KIF14: variants seen among roughly 807,000 people sequenced by gnomAD.
KIF14 encodes kinesin-like protein KIF14.
Under a neutral mutation model 176.2 loss-of-function variants are expected in KIF14, and 98 were observed. That is an observed-to-expected ratio of 0.56 (90% CI 0.47 to 0.66). The LOEUF is 0.66. Among genes scored for constraint, KIF14 ranks in the 30% least tolerant of loss-of-function variants. KIF14 has a pLI of 0.00. For synonymous variants in KIF14, 566 were observed against 632.2 expected, an observed-to-expected ratio of 0.90 and a Z score of 1.57; for missense variants, 1,751 against 1,920.4, an observed-to-expected ratio of 0.91 and a Z score of 1.65.
Position 200,618,044 on chromosome 1 carries a change from G to T in KIF14, c.680C>A (p.Thr227Asn). The change falls in exon 2 of 30, where the codon ACT (threonine) becomes AAT (asparagine). Residue 227 changes from threonine to asparagine, a missense_variant. Coordinates refer to ENST00000367350, the MANE Select transcript of KIF14 (RefSeq NM_014875.3). Reference protein sequence around the residue: ...NRPPIASLSQTEVVRSGHLTT... With the variant: ...NRPPIASLSQNEVVRSGHLTT... ...CAAGTGTCCTGATCTAACAACTTCAGTCTGACTCAGGGAAGCAATGGGTGG... is the reference window on the plus strand; with the variant it reads ...CAAGTGTCCTGATCTAACAACTTCATTCTGACTCAGGGAAGCAATGGGTGG... The T allele has an allele frequency of 6.2e-7, 1 of 1,614,108 alleles. No individual in the cohort carries two copies. Among genetic ancestry groups the T allele is most frequent in the Non-Finnish European group, 8.5e-7 (1 of 1,180,006 alleles).
At position 200,603,352 on chromosome 1, in the gene KIF14, G is replaced by GA. The variant is rs200046579; in HGVS notation, c.1864-12dup. On this transcript the variant is annotated splice_polypyrimidine_tract_variant and intron_variant, in intron 9 of 29. Coordinates refer to ENST00000367350, the MANE Select transcript of KIF14 (RefSeq NM_014875.3). ...AATACTCACACCTTCCTGCATGCAA[G>GA]AAAAAAAAAATTTTTAACTTAAAAT... 1.4e-3 allele frequency: 1,890 copies of GA among 1,358,242 alleles called. No homozygotes were observed. Among genetic ancestry groups the GA allele is most frequent in the South Asian group, 1.8e-3 (137 of 74,346 alleles). 84.1% of individuals were successfully genotyped at this position (1,358,242 alleles called of 1,614,324 possible). A position where few individuals can be genotyped will look rare whatever the true frequency, so the allele number is the denominator to read the frequency against.
At chr1:200,570,648 G>T (rs1657731393) in intron 22 of KIF14, among the ~76,000 whole-genome samples, 1 of 152,166 alleles carries the variant, frequency 6.6e-6, no homozygotes, top group African/African-American at 2.4e-5. Context: ...GCTTGAGGTG[G>T]TCTTTGCATG....
intron 14 of KIF14, among the ~76,000 whole-genome samples, chr1:200,597,340 G>A (rs6662547): frequency 0.53 from 81,006 of 151,508 alleles, 22,284 homozygotes; most frequent in East Asian, 0.69. Flanking sequence ...AAAAGCTCAC[G>A]AAAGATTGGC....
chr1:200,616,635 T>C (rs919517433), intron 2 of KIF14, among the ~76,000 whole-genome samples: 3 of 152,232 alleles, frequency 2.0e-5, no homozygotes, highest in Non-Finnish European at 2.9e-5. Context: ...CTCTTCTAAC[T>C]TGCTTAGATA....
intron 4 of KIF14, among the ~76,000 whole-genome samples, chr1:200,609,903 G>A (rs189161996): frequency 9.8e-5 from 15 of 152,314 alleles, no homozygotes; most frequent in Middle Eastern, 3.4e-3. Context: ...CAATGTAGAT[G>A]AACCTCAACA....
chr1:200,586,034 T>C, intron 19 of KIF14, 67 bp downstream of exon 19: 1 of 1,126,472 alleles, frequency 8.9e-7, no homozygotes, highest in Non-Finnish European at 1.2e-6. Context: ...GCTAATATTT[T>C]AGTAATTATA....
chr1:200,560,968 C>T (rs1384819022), intron 25 of KIF14, 88 bp from the exon 26 acceptor site: 13 of 1,242,398 alleles, frequency 1.0e-5, no homozygotes, highest in South Asian at 1.0e-4. Context: ...CAGCGGCTCA[C>T]GCCTGTAATT....
chr1:200,586,790 C>CATATATATATATATATAT (rs10610890), intron 18 of KIF14, among the ~76,000 whole-genome samples: 283 of 128,222 alleles, frequency 2.2e-3, no homozygotes, highest in Non-Finnish European at 3.0e-3. Context: ...TATATACATA[C>CATATATATATATATATAT]ATATATATAT....
In KIF14 at chr1:200,598,417, G is replaced by T; in HGVS notation, c.2369C>A (p.Ala790Glu). The change falls in exon 14 of 30, where the codon GCA (alanine) becomes GAA (glutamate). Residue 790 changes from alanine to glutamate, a missense_variant. Physicochemically the swap from Ala to Glu is moderately radical, Grantham distance 107. Coordinates refer to ENST00000367350, the MANE Select transcript of KIF14 (RefSeq NM_014875.3). ...KLQETKELQKAGIMFQMDNHL... is the reference protein window; with the variant it reads ...KLQETKELQKEGIMFQMDNHL... The stretch of plus-strand genomic sequence containing the variant: ...ATTGTCCATTTGAAACATAATTCCT[G>T]CTTTCTGGTAGAAGTCAGAAAAAGA... 6.2e-7 allele frequency: 1 copy of T among 1,601,442 alleles called. No homozygotes were observed. The highest frequency in any genetic ancestry group is 1.8e-5 in the Admixed American group (1 of 56,652).
intron 4 of KIF14, among the ~76,000 whole-genome samples, chr1:200,610,940 GAATAGGAAAGACACCCTGTAGGTTGA>G (rs1660127966): frequency 6.6e-6 from 1 of 152,170 alleles, no homozygotes; most frequent in Non-Finnish European, 1.5e-5. Flanking sequence ...CATGTGCTCA[GAATAGGAAAGACACCCTGTAGGTTGA>G]CATTTGATCT....
intron 2 of KIF14, among the ~76,000 whole-genome samples, chr1:200,616,145 C>G (rs540886469): frequency 3.9e-5 from 6 of 152,222 alleles, no homozygotes; most frequent in Non-Finnish European, 5.9e-5. Flanking sequence ...CCCTTTGAGA[C>G]TTAGGTGGAA....
intron 15 of KIF14, 51 bp downstream of exon 15, chr1:200,593,616 G>T: frequency 1.8e-6 from 2 of 1,142,142 alleles, no homozygotes; most frequent in South Asian, 2.5e-5. Flanking sequence ...GAAATTAAAT[G>T]ACTTATCCAA....
chr1:200,567,172 C>CAAAA (rs374186998), intron 23 of KIF14, among the ~76,000 whole-genome samples: 1 of 142,150 alleles, frequency 7.0e-6, no homozygotes. Context: ...ACTCTGTCCT[C>CAAAA]AAAAAAAAAA....
intron 22 of KIF14, among the ~76,000 whole-genome samples, chr1:200,570,456 CTT>C (rs35471555): frequency 3.1e-4 from 47 of 152,290 alleles, no homozygotes; most frequent in Non-Finnish European, 5.9e-4. Context: ...ATAAGTAAAA[CTT>C]AGCCAAACAG....
At chr1:200,605,017 T>A (rs536962821) in intron 8 of KIF14, among the ~76,000 whole-genome samples, 2 of 152,286 alleles carry the variant, frequency 1.3e-5, no homozygotes, top group African/African-American at 4.8e-5. Flanking sequence ...CCAAAAGTCA[T>A]TGAAACTAAG....
At chr1:200,589,437 C>T in intron 17 of KIF14, 68 bp from the exon 18 acceptor site, 2 of 1,328,524 alleles carry the variant, frequency 1.5e-6, no homozygotes, top group Non-Finnish European at 2.1e-6. Context: ...AAGTCCCTTT[C>T]TTTAACCAAT....
chr1:200,601,919 T>A lies in KIF14; in HGVS notation c.2129A>T (p.Asp710Val), dbSNP rs1659645386. The A allele has an allele frequency of 6.2e-7, 1 of 1,609,248 alleles. No individual in the cohort carries two copies. The highest frequency in any genetic ancestry group is 8.5e-7 in the Non-Finnish European group (1 of 1,178,476). The change falls in exon 11 of 30, where the codon GAT (aspartate) becomes GTT (valine). Residue 710 changes from aspartate to valine, a missense_variant. Transcript: ENST00000367350. Reference sequence around the variant, plus strand: ...ACCTCTAATTAACTTAGCGTTCATATCTTCATTTACTTTAGCAATGTTGAC... The same window carrying A: ...ACCTCTAATTAACTTAGCGTTCATAACTTCATTTACTTTAGCAATGTTGAC... ...LIVNIAKVNE[D>V]MNAKLIRELK...
chr1:200,553,693 C>T lies in KIF14; in HGVS notation c.4642G>A (p.Asp1548Asn). The T allele has an allele frequency of 6.2e-7, 1 of 1,613,544 alleles. No individual in the cohort carries two copies. The highest frequency in any genetic ancestry group is 8.5e-7 in the Non-Finnish European group (1 of 1,179,648). The change falls in exon 30 of 30, where the codon GAC becomes AAC. Residue 1548 changes from aspartate (D) to asparagine (N), a missense_variant. Physicochemically the swap from Asp to Asn is conservative, Grantham distance 23. Coordinates refer to ENST00000367350, the MANE Select transcript of KIF14 (RefSeq NM_014875.3). ...IRNLASDFYS[D>N]FSVPSTSVGS... is the part of the protein sequence containing the mutation. The stretch of plus-strand genomic sequence containing the variant: ...ACAGAAGTAGAAGGCACACTGAAGT[C>T]ACTGTAAAAATCACTGGCCAAGTTG...
At chr1:200,585,442 A>G (rs796322931) in intron 19 of KIF14, among the ~76,000 whole-genome samples, 1 of 152,342 alleles carries the variant, frequency 6.6e-6, no homozygotes, top group African/African-American at 2.4e-5. Context: ...AACGTAATCC[A>G]TGACTAAGCA....
Sources: allele counts gnomAD v4.1 joint callset (sites outside exome capture counted in the v4.1 genomes callset), GRCh38; gene constraint gnomAD v4.1.1; transcripts MANE v1.5; gene names NCBI Gene and HGNC (gene_info 2026-07-23, HGNC 2026-07-21).